Variants in NFATC1 observed in about 807,000 individuals in gnomAD.
The protein encoded by NFATC1 is nuclear factor of activated T cells 1, also known as nuclear factor of activated T-cells, cytoplasmic 1.
A neutral mutation model predicts 76.0 loss-of-function variants in NFATC1; 22 were observed. The ratio of observed to expected loss-of-function variants is 0.29; its 90% CI spans 0.21 to 0.41. The LOEUF (loss-of-function observed/expected upper bound fraction) is 0.41. NFATC1 is among the 10% of genes least tolerant of loss of function. The pLI is 1.00. For synonymous variants in NFATC1, 704 were observed against 613.1 expected, an observed-to-expected ratio of 1.15 and a Z score of -2.19; for missense variants, 1,357 against 1,337.7, an observed-to-expected ratio of 1.01 and a Z score of -0.23.
At chr18:79,448,117 C>T (rs888090259) in intron 3 of NFATC1, among the ~76,000 whole-genome samples, 1 of 152,232 alleles carries the variant, frequency 6.6e-6, no homozygotes, top group Admixed American at 6.5e-5. Flanking sequence ...GCCGAGAAGC[C>T]ATGAGCGGCT....
Position 79,523,568 on chromosome 18 carries a change from G to A in NFATC1, c.2783-3960G>A, listed in dbSNP as rs2090671448. ...AAGGGCACAGATAAGATTCACAGGTGAGGCAGTGAAAGCCATGCCTGCCCT... is the reference window on the plus strand; with the variant it reads ...AAGGGCACAGATAAGATTCACAGGTAAGGCAGTGAAAGCCATGCCTGCCCT... On this transcript the variant is annotated intron_variant, in intron 9 of 9. Coordinates refer to ENST00000427363, the MANE Select transcript of NFATC1 (RefSeq NM_001278669.2). 3.9e-5 allele frequency among the ~76,000 whole-genome samples: 6 copies of A among 152,370 alleles called. No individual in the cohort carries two copies. The South Asian group carries it at 1.2e-3, about 32-fold the overall frequency.
chr18:79,503,246 C>A (rs2145143820), intron 9 of NFATC1, among the ~76,000 whole-genome samples: 1 of 152,316 alleles, frequency 6.6e-6, no homozygotes, highest in African/African-American at 2.4e-5. Flanking sequence ...GCATGCACAC[C>A]TCAGAGACGT....
intron 2 of NFATC1, among the ~76,000 whole-genome samples, chr18:79,432,623 G>A (rs1187363553): frequency 6.6e-6 from 1 of 152,204 alleles, no homozygotes; most frequent in Non-Finnish European, 1.5e-5. Flanking sequence ...TCCCAGAAAC[G>A]GACTCTGATG....
At chr18:79,414,208 A>G (rs2085798025) in intron 2 of NFATC1, among the ~76,000 whole-genome samples, 1 of 152,318 alleles carries the variant, frequency 6.6e-6, no homozygotes, top group South Asian at 2.1e-4. Context: ...CGTCGGTCAC[A>G]TGCAGCAGCT....
chr18:79,483,305 C>T (rs368765469), intron 8 of NFATC1, among the ~76,000 whole-genome samples: 4 of 136,726 alleles, frequency 2.9e-5, no homozygotes, highest in Admixed American at 2.3e-4. Context: ...GGTGTCATTC[C>T]GGCGTGACCT....
chr18:79,488,925 C>T (rs539794510), intron 9 of NFATC1, among the ~76,000 whole-genome samples: 96 of 140,888 alleles, frequency 6.8e-4, no homozygotes, highest in African/African-American at 2.4e-3. Context: ...CCACGTGTGG[C>T]TTTATGGCGA....
At chr18:79,426,835 GCC>G in intron 2 of NFATC1, among the ~76,000 whole-genome samples, 1 of 152,288 alleles carries the variant, frequency 6.6e-6, no homozygotes, top group East Asian at 1.9e-4. Context: ...CCCCATAGCA[GCC>G]ACCATGCCCT....
chr18:79,426,716 G>A (rs975289531), intron 2 of NFATC1, among the ~76,000 whole-genome samples: 1 of 152,276 alleles, frequency 6.6e-6, no homozygotes, highest in Non-Finnish European at 1.5e-5. Context: ...CTGCGGGTGT[G>A]GAGGTTGCAT....
intron 8 of NFATC1, chr18:79,468,148 G>A (rs952288390): frequency 3.0e-5 from 6 of 198,508 alleles, no homozygotes; most frequent in South Asian, 3.5e-4. Context: ...CCCCTCACCC[G>A]CCGTGGGAAT....
chr18:79,489,265 CTG>C (rs1476347660), intron 9 of NFATC1, among the ~76,000 whole-genome samples: 3 of 152,212 alleles, frequency 2.0e-5, no homozygotes, highest in Non-Finnish European at 2.9e-5. Context: ...GCCTGCCTGA[CTG>C]TGCGTGGACA....
At position 79,411,357 on chromosome 18, in the gene NFATC1, C is replaced by T. The variant is rs754937987; in HGVS notation, c.1082C>T (p.Pro361Leu). 52 of 1,588,068 alleles carry T rather than the reference C, an allele frequency of 3.3e-5. No homozygotes were observed. The highest frequency in any genetic ancestry group is 1.7e-4 in the Middle Eastern group (1 of 5,954). ...EPVGEDLGSP[P>L]PPADFAPEDY... ...GTCGGGGAGGACCTGGGCAGCCCCC[C>T]GCCCCCGGCCGACTTCGCGCCCGAA... Residue 361 changes from proline (P) to leucine (L), a missense_variant, in exon 2 of 10, where the codon CCG becomes CTG. By Grantham distance (98) the Pro-to-Leu change is moderately conservative. This residue lies in a region of NFATC1 where 691 missense variants were observed against 613.1 expected (regional missense o/e 1.13). Coordinates refer to ENST00000427363, the MANE Select transcript of NFATC1 (RefSeq NM_001278669.2).
At chr18:79,433,504 G>C (rs1349188957) in intron 2 of NFATC1, 75 bp from the exon 3 acceptor site, 1 of 1,578,196 alleles carries the variant, frequency 6.3e-7, no homozygotes, top group Non-Finnish European at 8.7e-7. Context: ...GATGGCGACG[G>C]GTGAGCACGG....
In NFATC1 at chr18:79,486,190, GC is replaced by G. The variant is rs542193525; in HGVS notation, c.2093-56del. The G allele has an allele frequency of 5.4e-5, 82 of 1,513,232 alleles. No homozygotes were observed. The African/African-American group carries it at 1.0e-3, about 19-fold the overall frequency. The allele number at this position is 1,513,232 out of a possible 1,614,324, so 93.7% of individuals were successfully genotyped here. A position where few individuals can be genotyped will look rare whatever the true frequency, so the allele number is the denominator to read the frequency against. On this transcript the variant is annotated intron_variant, in intron 8 of 9. Transcript: ENST00000427363. ...CGGAGGGTGCCCCAGCCACAAGCCT[GC>G]CTGATCACACTCATTCGCAACTTGT...
At chr18:79,508,797 C>T (rs2090177143) in intron 9 of NFATC1, among the ~76,000 whole-genome samples, 1 of 151,684 alleles carries the variant, frequency 6.6e-6, no homozygotes, top group African/African-American at 2.4e-5. Flanking sequence ...CTCCATCTCT[C>T]CGTCCATCTC....
chr18:79,441,902 G>C (rs8096791), intron 3 of NFATC1, among the ~76,000 whole-genome samples: 10 of 152,092 alleles, frequency 6.6e-5, no homozygotes, highest in African/African-American at 2.2e-4. Context: ...ATCTAAACGT[G>C]GTGTTTCCGG....
intron 1 of NFATC1, among the ~76,000 whole-genome samples, chr18:79,409,441 C>T (rs1326767655): frequency 6.6e-6 from 1 of 152,032 alleles, no homozygotes; most frequent in African/African-American, 2.4e-5. Flanking sequence ...ATTTATCTAT[C>T]CATCCATTCA....
At chr18:79,400,858 T>TCCCCCCCCCCCC in intron 1 of NFATC1, among the ~76,000 whole-genome samples, 1 of 392 alleles carries the variant, frequency 2.6e-3, no homozygotes, top group East Asian at 0.042. Context: ...CCCCCCGACC[T>TCCCCCCCCCCCC]CCGCCTCAGC....
chr18:79,495,867 G>C (rs1230758469), intron 9 of NFATC1, among the ~76,000 whole-genome samples: 1 of 152,070 alleles, frequency 6.6e-6, no homozygotes, highest in Non-Finnish European at 1.5e-5. Context: ...TAAGGTGTCC[G>C]CAAGTGTCAC....
intron 8 of NFATC1, among the ~76,000 whole-genome samples, chr18:79,480,580 G>A (rs1477095829): frequency 3.9e-5 from 6 of 152,192 alleles, no homozygotes; most frequent in African/African-American, 1.2e-4. Flanking sequence ...CCAAGTGGCT[G>A]GAGAGATGCG....
Sources: allele counts gnomAD v4.1 joint callset (sites outside exome capture counted in the v4.1 genomes callset), GRCh38; gene constraint gnomAD v4.1.1; regional missense constraint gnomAD v4.1.1; transcripts MANE v1.5; gene names NCBI Gene and HGNC (gene_info 2026-07-23, HGNC 2026-07-21).